RNF150: variants seen among roughly 807,000 people sequenced by gnomAD.
The protein encoded by RNF150 is ring finger protein 150.
RNF150 carries 24 observed loss-of-function variants against 39.3 expected under a neutral mutation model. That is an observed-to-expected ratio of 0.61 (90% CI 0.44 to 0.86). The LOEUF (loss-of-function observed/expected upper bound fraction) is 0.86, where lower values mean the gene tolerates loss of function less well. Ranked by LOEUF, RNF150 falls within the 40% of genes least tolerant of loss-of-function variation. The pLI, the probability that RNF150 is intolerant of heterozygous loss-of-function variation, is 0.00. For synonymous variants in RNF150, 255 were observed against 227.3 expected, an observed-to-expected ratio of 1.12 and a Z score of -1.10; for missense variants, 502 against 587.8, an observed-to-expected ratio of 0.85 and a Z score of 1.51.
intron 1 of RNF150, among the ~76,000 whole-genome samples, chr4:141,062,299 T>C (rs1737265005): frequency 6.6e-6 from 1 of 152,142 alleles, no homozygotes; most frequent in Admixed American, 6.5e-5. Context: ...GTATTATACA[T>C]GATATAAAGA....
At chr4:141,144,062 A>G (rs545342709) in intron 1 of RNF150, among the ~76,000 whole-genome samples, 2 of 152,170 alleles carry the variant, frequency 1.3e-5, no homozygotes, top group Non-Finnish European at 2.9e-5. Context: ...TCAGAACTTT[A>G]TATTCAATGC....
chr4:141,043,679 G>T (rs1331090607), intron 1 of RNF150, among the ~76,000 whole-genome samples: 1 of 152,100 alleles, frequency 6.6e-6, no homozygotes, highest in African/African-American at 2.4e-5. Context: ...ACTTTAAAAG[G>T]AATAGCTAAG....
At chr4:140,986,485 AC>A (rs1419165819) in intron 1 of RNF150, among the ~76,000 whole-genome samples, 1 of 152,102 alleles carries the variant, frequency 6.6e-6, no homozygotes, top group Non-Finnish European at 1.5e-5. Context: ...TCACGTTTGA[AC>A]CAGCAGCTCT....
At chr4:141,124,335 G>A (rs1460828737) in intron 1 of RNF150, among the ~76,000 whole-genome samples, 1 of 152,228 alleles carries the variant, frequency 6.6e-6, no homozygotes, top group East Asian at 1.9e-4. Flanking sequence ...CAGCAGGGGT[G>A]TGCTGGGGAC....
chr4:141,133,123 G>A lies in RNF150; in HGVS notation c.-315C>T. The A allele has an allele frequency of 3.2e-6, 1 of 316,486 alleles. No individual in the cohort carries two copies. Among genetic ancestry groups the A allele is most frequent in the Non-Finnish European group, 5.9e-6 (1 of 169,992 alleles). 19.6% of individuals were successfully genotyped at this position (316,486 alleles called of 1,614,324 possible). A position where few individuals can be genotyped will look rare whatever the true frequency, so the allele number is the denominator to read the frequency against. On this transcript the variant is annotated 5_prime_UTR_variant, in exon 1 of 7. Coordinates refer to ENST00000515673, the MANE Select transcript of RNF150 (RefSeq NM_020724.2). ...GCCGAGCGTCCTGCTCCTTCGCCCG[G>A]CTTCGCCTTCTCTCATAAGGGTGGC... is the stretch of plus-strand genomic sequence containing the variant.
At chr4:141,181,071 G>A (rs1727901817) in intron 1 of RNF150, among the ~76,000 whole-genome samples, 1 of 152,106 alleles carries the variant, frequency 6.6e-6, no homozygotes, top group African/African-American at 2.4e-5. Context: ...CCATGCTAGA[G>A]GTATTATCAT....
At chr4:141,059,892 C>T (rs1238805582) in intron 1 of RNF150, among the ~76,000 whole-genome samples, 1 of 151,990 alleles carries the variant, frequency 6.6e-6, no homozygotes, top group East Asian at 1.9e-4. Flanking sequence ...CACAACAGAA[C>T]CTAGTTTATA....
chr4:140,970,273 T>C (rs1733412424), intron 1 of RNF150, among the ~76,000 whole-genome samples: 1 of 152,164 alleles, frequency 6.6e-6, no homozygotes, highest in Admixed American at 6.5e-5. Context: ...ATTCTTACAA[T>C]GTGATAAGCA....
At position 140,930,906 on chromosome 4, in the gene RNF150, C is replaced by T. The variant is rs1012797223; in HGVS notation, c.891-4833G>A. Among the ~76,000 whole-genome samples, 6 of 56,908 alleles carry T rather than the reference C, an allele frequency of 1.1e-4. No homozygotes were observed. The South Asian group carries it at 1.8e-3, about 17-fold the overall frequency. The allele number at this position is 56,908 out of a possible 152,430, so 37.3% of individuals were successfully genotyped here. A position where few individuals can be genotyped will look rare whatever the true frequency, so the allele number is the denominator to read the frequency against. The stretch of plus-strand genomic sequence containing the variant: ...CAGTCATTTAGCGATTCACTGTTAA[C>T]GACAATGGAAAGGTTGCACTCCTGG... On this transcript the variant is annotated intron_variant, in intron 4 of 6. Transcript: ENST00000515673.
chr4:141,132,722 C>G lies in RNF150; in HGVS notation c.87G>C (p.Leu29=), dbSNP rs765839270. The change falls in exon 1 of 7, where the codon CTG becomes CTC. Residue 29 remains leucine, a synonymous_variant. Transcript: ENST00000515673. This position sits in a 1 kb window ranked among gnomAD's most constrained non-coding sequence, Gnocchi z 4.9. ...CCTCCTTCTCGGCCACGGTAAAGTC[C>G]AGGCAGAGCAGATGCACGAAACAAA... ...LSFCFVHLLC[L]DFTVAEKEEW... is the part of the protein sequence containing the mutation. 6 of 1,610,412 alleles carry G rather than the reference C, an allele frequency of 3.7e-6. No individual in the cohort carries two copies. In the East Asian group the frequency reaches 1.1e-4, roughly 30 times the overall value.
chr4:141,129,112 C>T (rs1211513467), intron 1 of RNF150, among the ~76,000 whole-genome samples: 2 of 152,128 alleles, frequency 1.3e-5, no homozygotes, highest in African/African-American at 4.8e-5. Context: ...AGAAGTTCCA[C>T]TCCTAGGTAT....
At chr4:141,067,597 C>G (rs978860624) in intron 1 of RNF150, among the ~76,000 whole-genome samples, 6 of 152,124 alleles carry the variant, frequency 3.9e-5, no homozygotes, top group Non-Finnish European at 7.4e-5. Flanking sequence ...CATATCATCT[C>G]CTATTGTTGA....
chr4:141,088,249 A>G (rs941321277), intron 1 of RNF150, among the ~76,000 whole-genome samples: 1 of 152,176 alleles, frequency 6.6e-6, no homozygotes, highest in African/African-American at 2.4e-5. Context: ...GCCCCCCGGC[A>G]TATACACTGT....
At chr4:141,022,703 T>C (rs1371456352) in intron 1 of RNF150, among the ~76,000 whole-genome samples, 1 of 152,198 alleles carries the variant, frequency 6.6e-6, no homozygotes, top group African/African-American at 2.4e-5. Context: ...GCTAAAATGT[T>C]GGAGAAAAAC....
Position 140,860,497 on chromosome 4 carries a change from C to T in RNF150, c.*7764G>A, listed in dbSNP as rs566478010. On this transcript the variant is annotated 3_prime_UTR_variant, in exon 7 of 7. Transcript: ENST00000515673. ...TGAATATGGAGAGGATAGACAATGCCGAGATGGAACCATCATCTACTACCT... is the reference window on the plus strand; with the variant it reads ...TGAATATGGAGAGGATAGACAATGCTGAGATGGAACCATCATCTACTACCT... 1.2e-4 allele frequency: 19 copies of T among 152,176 alleles called. No individual in the cohort carries two copies. The highest frequency in any genetic ancestry group is 4.3e-4 in the African/African-American group (18 of 41,518). 9.4% of individuals were successfully genotyped at this position (152,176 alleles called of 1,614,324 possible). A position where few individuals can be genotyped will look rare whatever the true frequency, so the allele number is the denominator to read the frequency against.
chr4:141,092,422 C>G (rs1738620498), intron 1 of RNF150, among the ~76,000 whole-genome samples: 1 of 151,858 alleles, frequency 6.6e-6, no homozygotes, highest in Non-Finnish European at 1.5e-5. Context: ...CAAGCAATAT[C>G]TTAAAAAAAT....
intron 2 of RNF150, among the ~76,000 whole-genome samples, chr4:140,954,813 G>A (rs542549998): frequency 6.6e-6 from 1 of 152,102 alleles, no homozygotes; most frequent in Admixed American, 6.5e-5. Flanking sequence ...TCTGTTCTGT[G>A]TTATAAATAG....
At chr4:140,977,616 G>A (rs1310388364) in intron 1 of RNF150, among the ~76,000 whole-genome samples, 1 of 152,124 alleles carries the variant, frequency 6.6e-6, no homozygotes, top group Non-Finnish European at 1.5e-5. Flanking sequence ...TAACCAGGTA[G>A]TGACACACAC....
intron 4 of RNF150, among the ~76,000 whole-genome samples, chr4:140,939,905 C>G (rs559786073): frequency 2.0e-5 from 3 of 152,182 alleles, no homozygotes; most frequent in African/African-American, 7.2e-5. Context: ...TTGAATATGT[C>G]TATCTCTCTA....
Sources: gnomAD v4.1 joint callset for allele counts (sites outside exome capture counted in the v4.1 genomes callset) on GRCh38, gnomAD v4.1.1 for gene constraint, Gnocchi (gnomAD v3.1) non-coding constraint, MANE v1.5 for transcripts, NCBI Gene and HGNC (gene_info 2026-07-23, HGNC 2026-07-21) for gene names.